Variants in KIAA1217 observed in about 807,000 individuals in gnomAD.
KIAA1217 encodes sickle tail protein homolog.
KIAA1217 carries 88 observed loss-of-function variants against 163.9 expected under a neutral mutation model. The ratio of observed to expected loss-of-function variants is 0.54; its 90% CI spans 0.45 to 0.64. The LOEUF (loss-of-function observed/expected upper bound fraction) is 0.64. KIAA1217 is among the 30% of genes least tolerant of loss of function. The probability of loss-of-function intolerance (pLI) is 0.00; values close to 1 mark genes in which losing one functional copy is unlikely to be tolerated. For missense variants in KIAA1217, 2,372 were observed against 2,475.0 expected (o/e 0.96, Z 0.88); for synonymous variants, 903 against 923.1 (o/e 0.98, Z 0.39).
intron 2 of KIAA1217, among the ~76,000 whole-genome samples, chr10:24,360,040 C>CATTTTT (rs55881849): frequency 0.016 from 1,508 of 94,248 alleles, 121 homozygotes; most frequent in East Asian, 0.034. Context: ...GATATAATTA[C>CATTTTT]TTTTTTTTTT....
intron 2 of KIAA1217, among the ~76,000 whole-genome samples, chr10:24,300,151 C>T (rs2041132837): frequency 6.6e-6 from 1 of 152,160 alleles, no homozygotes; most frequent in Non-Finnish European, 1.5e-5. Context: ...GCAGAGACTC[C>T]TAGAGAAATG....
intron 3 of KIAA1217, among the ~76,000 whole-genome samples, chr10:24,403,934 A>C (rs948659922): frequency 6.6e-6 from 1 of 152,162 alleles, no homozygotes; most frequent in South Asian, 2.1e-4. Context: ...GCCACGCTAG[A>C]AAGTAGTTTT....
chr10:24,482,402 G>A (rs2064832404), intron 6 of KIAA1217: 1 of 151,160 alleles, frequency 6.6e-6, no homozygotes, highest in South Asian at 2.1e-4. Context: ...GAACTTCAAA[G>A]AGAAGAGGAA....
chr10:24,373,469 C>A (rs2051997444), intron 2 of KIAA1217, among the ~76,000 whole-genome samples: 1 of 152,114 alleles, frequency 6.6e-6, no homozygotes, highest in Non-Finnish European at 1.5e-5. Flanking sequence ...ATACCATTAA[C>A]AACCCTTCCC....
rs185705002 is a variant in KIAA1217 at position 24,212,979 on chromosome 10, T to C, written c.70+3716T>C. On this transcript the variant is annotated intron_variant, in intron 1 of 20. Transcript: ENST00000376454. ...TAGATAAGGATCCCTAGGGTGATCA[T>C]GTAACTTACTGTCCAAATGAGATCC... Among the ~76,000 whole-genome samples, 6 of 152,310 alleles carry C rather than the reference T, an allele frequency of 3.9e-5. No homozygotes were observed. In the South Asian group the frequency reaches 1.0e-3, roughly 26 times the overall value.
At chr10:24,045,437 G>A (rs113716965) in intron 2 of KIAA1217, among the ~76,000 whole-genome samples, 14 of 151,870 alleles carry the variant, frequency 9.2e-5, no homozygotes, top group South Asian at 4.1e-4. Flanking sequence ...TTCTTTCTCC[G>A]TATTTGCTCT....
At chr10:24,418,932 T>C (rs910509771) in intron 3 of KIAA1217, among the ~76,000 whole-genome samples, 2 of 151,972 alleles carry the variant, frequency 1.3e-5, no homozygotes, top group Non-Finnish European at 2.9e-5. Flanking sequence ...ATCCCAGCAA[T>C]TTGGGAGGCC....
chr10:23,729,967 T>C (rs577682907), intron 1 of KIAA1217, among the ~76,000 whole-genome samples: 1 of 152,154 alleles, frequency 6.6e-6, no homozygotes, highest in East Asian at 1.9e-4. Flanking sequence ...AGTGGCACGA[T>C]CTCTGTTCAC....
At chr10:24,092,928 T>TGTTGTGTGTGTGTGTG (rs548350322) in intron 2 of KIAA1217, among the ~76,000 whole-genome samples, 25 of 140,952 alleles carry the variant, frequency 1.8e-4, no homozygotes, top group African/African-American at 6.9e-4. Context: ...TGTGTGTGTG[T>TGTTGTGTGTGTGTGTG]TGTGTGTGTG....
At chr10:24,132,455 G>A (rs1366758892) in intron 2 of KIAA1217, among the ~76,000 whole-genome samples, 1 of 152,158 alleles carries the variant, frequency 6.6e-6, no homozygotes, top group Non-Finnish European at 1.5e-5. Flanking sequence ...TTGCCTATGA[G>A]AGAACATGCT....
chr10:24,433,955 T>C (rs1439958817), intron 4 of KIAA1217, among the ~76,000 whole-genome samples: 1 of 149,758 alleles, frequency 6.7e-6, no homozygotes, highest in African/African-American at 2.5e-5. Flanking sequence ...CTAAATGGAC[T>C]CCTGCTATTG....
At chr10:23,915,296 C>T (rs540116738) in intron 1 of KIAA1217, among the ~76,000 whole-genome samples, 4 of 151,880 alleles carry the variant, frequency 2.6e-5, no homozygotes, top group South Asian at 2.1e-4. Flanking sequence ...GCAGTTGCAG[C>T]GGTTGTCATG....
chr10:24,347,456 A>G (rs936247584), intron 2 of KIAA1217, among the ~76,000 whole-genome samples: 9 of 152,204 alleles, frequency 5.9e-5, no homozygotes, highest in African/African-American at 9.7e-5. Flanking sequence ...TCAGAGAAAA[A>G]AAGAAAAACT....
intron 5 of KIAA1217, among the ~76,000 whole-genome samples, chr10:24,448,236 T>G (rs2132218738): frequency 6.8e-6 from 1 of 147,684 alleles, no homozygotes; most frequent in Non-Finnish European, 1.5e-5. Flanking sequence ...TTATCTAACC[T>G]TTTTTTGCGT....
Position 23,834,393 on chromosome 10 carries a change from C to A in KIAA1217, c.-321+139159C>A, listed in dbSNP as rs140090155. ...CACCCAATGTCAGGTTTATTCATTA[C>A]TTTTATAATATTTATTGAGTTACCA... On this transcript the variant is annotated intron_variant, in intron 1 of 18. Transcript: ENST00000376462. Among the ~76,000 whole-genome samples, 792 of 152,206 alleles carry A rather than the reference C, an allele frequency of 5.2e-3. 11 individuals carry two copies. Among genetic ancestry groups the A allele is most frequent in the African/African-American group, 0.017 (715 of 41,538 alleles).
intron 6 of KIAA1217, chr10:24,483,181 C>T (rs1408809894): frequency 6.6e-6 from 1 of 152,188 alleles, no homozygotes; most frequent in East Asian, 1.9e-4. Flanking sequence ...AGCAAGGAGA[C>T]TTCCTAAAGG....
chr10:24,002,091 T>G (rs1458425866), intron 1 of KIAA1217, among the ~76,000 whole-genome samples: 1 of 152,172 alleles, frequency 6.6e-6, no homozygotes, highest in African/African-American at 2.4e-5. Flanking sequence ...AGGCAGCTGA[T>G]GCCGACTGTG....
chr10:24,303,205 A>G (rs992620010), intron 2 of KIAA1217, among the ~76,000 whole-genome samples: 5 of 151,904 alleles, frequency 3.3e-5, no homozygotes, highest in Non-Finnish European at 1.5e-5. Flanking sequence ...TTTTAGAGAC[A>G]GGATCTTGCT....
At chr10:24,096,246 T>G (rs938490042) in intron 2 of KIAA1217, among the ~76,000 whole-genome samples, 1 of 152,206 alleles carries the variant, frequency 6.6e-6, no homozygotes, top group African/African-American at 2.4e-5. Context: ...ACATTATCCT[T>G]AATCTCCCTC....
Sources: gnomAD v4.1 joint callset for allele counts (sites outside exome capture counted in the v4.1 genomes callset) on GRCh38, gnomAD v4.1.1 for gene constraint, MANE v1.5 for transcripts, NCBI Gene and HGNC (gene_info 2026-07-23, HGNC 2026-07-21) for gene names.